FNDC3A: variants seen among roughly 807,000 people sequenced by gnomAD.
FNDC3A encodes the protein fibronectin type-III domain-containing protein 3A.
In FNDC3A, 32 loss-of-function variants were observed where a neutral mutation model predicts 148.9. The ratio of observed to expected loss-of-function variants is 0.21; its 90% CI spans 0.16 to 0.29. The LOEUF (loss-of-function observed/expected upper bound fraction) is 0.29, where lower values mean the gene tolerates loss of function less well. Ranked by LOEUF, FNDC3A falls within the 10% of genes least tolerant of loss-of-function variation. The probability of loss-of-function intolerance (pLI) is 1.00; values close to 1 mark genes in which losing one functional copy is unlikely to be tolerated. For missense variants in FNDC3A, 1,191 were observed against 1,452.8 expected (o/e 0.82, Z 2.93); for synonymous variants, 472 against 473.6 (o/e 1.00, Z 0.04).
intron 2 of FNDC3A, among the ~76,000 whole-genome samples, chr13:49,050,874 A>G (rs1875788999): frequency 6.6e-6 from 1 of 152,126 alleles, no homozygotes; most frequent in Non-Finnish European, 1.5e-5. Context: ...CTTTTGGAGT[A>G]GTCCTTTTAT....
At chr13:49,134,275 A>G (rs1243846417) in intron 5 of FNDC3A, among the ~76,000 whole-genome samples, 2 of 152,210 alleles carry the variant, frequency 1.3e-5, no homozygotes, top group African/African-American at 2.4e-5. Flanking sequence ...TTTCATATAA[A>G]AATTTCATTA....
rs570103340 is a variant in FNDC3A, at chr13:49,200,308, G to A, written c.2988-1492G>A. Among the ~76,000 whole-genome samples the A allele has an allele frequency of 1.4e-4, 21 of 152,160 alleles. No homozygotes were observed. The South Asian group carries it at 4.2e-3, about 30-fold the overall frequency. On this transcript the variant is annotated intron_variant, in intron 23 of 25. Coordinates refer to ENST00000492622, the MANE Select transcript of FNDC3A (RefSeq NM_001079673.2). ...TTAAAATAACATATGGAATAATTTT[G>A]TATACTAGTATATCACCAGTAAGAA...
intron 7 of FNDC3A, among the ~76,000 whole-genome samples, chr13:49,141,024 A>G (rs1013826641): frequency 6.6e-6 from 1 of 151,910 alleles, no homozygotes; most frequent in Non-Finnish European, 1.5e-5. Flanking sequence ...AGGAACAACA[A>G]AAAAAAAGGA....
intron 3 of FNDC3A, among the ~76,000 whole-genome samples, chr13:49,078,409 T>C (rs1253611077): frequency 6.6e-6 from 1 of 152,224 alleles, no homozygotes; most frequent in Admixed American, 6.5e-5. Context: ...AGGGACACAT[T>C]TCTCTGCTTC....
intron 8 of FNDC3A, among the ~76,000 whole-genome samples, chr13:49,148,138 G>A (rs575245812): frequency 6.6e-6 from 1 of 152,250 alleles, no homozygotes; most frequent in East Asian, 1.9e-4. Context: ...TAGATGAATA[G>A]TTTGCAAATA....
intron 3 of FNDC3A, among the ~76,000 whole-genome samples, chr13:49,089,949 G>A (rs917709591): frequency 5.9e-5 from 9 of 152,156 alleles, no homozygotes; most frequent in Non-Finnish European, 1.2e-4. Flanking sequence ...CTTGTATGGA[G>A]GTGCTGCTCC....
At chr13:49,089,991 G>A (rs1338476386) in intron 3 of FNDC3A, among the ~76,000 whole-genome samples, 1 of 152,194 alleles carries the variant, frequency 6.6e-6, no homozygotes, top group Non-Finnish European at 1.5e-5. Flanking sequence ...GGTTACTTTT[G>A]CCTTGGCCTG....
At chr13:49,119,478 G>A (rs1325420052) in intron 4 of FNDC3A, among the ~76,000 whole-genome samples, 9 of 151,982 alleles carry the variant, frequency 5.9e-5, no homozygotes, top group Admixed American at 1.3e-4. Context: ...AAATCTGGAC[G>A]GAGAATGAGT....
intron 2 of FNDC3A, among the ~76,000 whole-genome samples, chr13:49,007,969 T>A (rs553674145): frequency 6.4e-4 from 98 of 152,270 alleles, no homozygotes; most frequent in African/African-American, 2.3e-3. Flanking sequence ...TTGATTTTGG[T>A]TGCCGAAGAC....
intron 19 of FNDC3A, among the ~76,000 whole-genome samples, chr13:49,195,467 CTT>C (rs1886101344): frequency 6.6e-6 from 1 of 152,008 alleles, no homozygotes; most frequent in Non-Finnish European, 1.5e-5. Context: ...GAACTATTTT[CTT>C]TTGGAAAAAC....
In FNDC3A at chr13:49,175,331, CT is replaced by C. The variant is rs758050119; in HGVS notation, c.1356-31del. ...ACTTGTTCTTTCACTGTAAAAATAA[CT>C]TTTTCATGCCTTTTAAAACCATTTG... On this transcript the variant is annotated intron_variant, in intron 12 of 25. Transcript: ENST00000492622. 4.8e-6 allele frequency: 7 copies of C among 1,465,418 alleles called. No homozygotes were observed. In the Admixed American group the frequency reaches 7.3e-5, roughly 15 times the overall value. The allele number at this position is 1,465,418 out of a possible 1,614,324, so 90.8% of individuals were successfully genotyped here.
intron 1 of FNDC3A, among the ~76,000 whole-genome samples, chr13:48,983,770 ATACTAT>A (rs1480088115): frequency 6.6e-6 from 1 of 152,216 alleles, no homozygotes; most frequent in Non-Finnish European, 1.5e-5. Flanking sequence ...TCTGCGGTAG[ATACTAT>A]TATCACCAAA....
At chr13:49,183,775 G>A (rs1351997302) in intron 14 of FNDC3A, among the ~76,000 whole-genome samples, 1 of 152,146 alleles carries the variant, frequency 6.6e-6, no homozygotes, top group Non-Finnish European at 1.5e-5. Flanking sequence ...TGAACAATTG[G>A]ACTAAACTTT....
At chr13:49,166,437 G>A (rs1303376290) in intron 8 of FNDC3A, among the ~76,000 whole-genome samples, 1 of 152,166 alleles carries the variant, frequency 6.6e-6, no homozygotes, top group East Asian at 1.9e-4. Flanking sequence ...TAGGGCTTGT[G>A]GGCAGGATGC....
chr13:49,186,759 T>C (rs1885594555), intron 15 of FNDC3A, among the ~76,000 whole-genome samples: 1 of 152,128 alleles, frequency 6.6e-6, no homozygotes, highest in Admixed American at 6.5e-5. Context: ...TCCCAGCTAC[T>C]CAGGAGGCTG....
intron 1 of FNDC3A, among the ~76,000 whole-genome samples, chr13:48,978,016 ACAC>A (rs938097329): frequency 6.6e-6 from 1 of 152,116 alleles, no homozygotes; most frequent in African/African-American, 2.4e-5. Context: ...ATCCTGGTTA[ACAC>A]TGTCAAGCAT....
At chr13:49,051,872 A>C (rs979895197) in intron 2 of FNDC3A, among the ~76,000 whole-genome samples, 14 of 152,060 alleles carry the variant, frequency 9.2e-5, no homozygotes, top group Non-Finnish European at 1.2e-4. Flanking sequence ...CATATTTTTA[A>C]ATTCTTTTTT....
In FNDC3A at chr13:49,198,424, A is replaced by G. The variant is rs1310437879; in HGVS notation, c.2837A>G (p.Lys946Arg). The G allele has an allele frequency of 1.2e-6, 2 of 1,614,208 alleles. No individual in the cohort carries two copies. The highest frequency in any genetic ancestry group is 1.7e-6 in the Non-Finnish European group (2 of 1,180,036). The change falls in exon 23 of 26, where the codon AAA becomes AGA. Residue 946 changes from lysine to arginine, a missense_variant. Physicochemically the swap from Lys to Arg is conservative, Grantham distance 26 (BLOSUM62 2). Transcript: ENST00000492622. ...AGPFSHMIKLKTKPLPPDPPR... is the reference protein window; with the variant it reads ...AGPFSHMIKLRTKPLPPDPPR... ...CCTTTCAGCCATATGATAAAATTAA[A>G]AACTAAGCCTCTCCCTCCTGATCCA...
At chr13:49,127,959 G>A (rs1307122324) in intron 4 of FNDC3A, among the ~76,000 whole-genome samples, 1 of 151,890 alleles carries the variant, frequency 6.6e-6, no homozygotes, top group Non-Finnish European at 1.5e-5. Flanking sequence ...TCGGCTCACT[G>A]CAACCTCTGC....
Sources: gnomAD v4.1 joint callset for allele counts (sites outside exome capture counted in the v4.1 genomes callset) on GRCh38, gnomAD v4.1.1 for gene constraint, MANE v1.5 for transcripts, NCBI Gene and HGNC (gene_info 2026-07-23, HGNC 2026-07-21) for gene names.